Variants in FBXO7 observed in about 807,000 individuals in gnomAD.
FBXO7 encodes the protein F-box only protein 7.
Under a neutral mutation model 50.2 loss-of-function variants are expected in FBXO7, and 31 were observed. The ratio of observed to expected loss-of-function variants is 0.62; its 90% CI spans 0.46 to 0.83. The LOEUF is 0.83. Ranked by LOEUF, FBXO7 falls within the 40% of genes least tolerant of loss-of-function variation. The pLI is 0.00. For missense variants in FBXO7, 667 were observed against 646.6 expected, an observed-to-expected ratio of 1.03 and a Z score of -0.34; for synonymous variants, 256 against 253.1, an observed-to-expected ratio of 1.01 and a Z score of -0.11.
At chr22:32,479,392 TA>T (rs1601503964) in intron 2 of FBXO7, 117 bp downstream of exon 2, 3 of 936,246 alleles carry the variant, frequency 3.2e-6, no homozygotes, top group Non-Finnish European at 4.6e-6. Context: ...ATTTTATATA[TA>T]TTTTTTTCTT....
intron 2 of FBXO7, among the ~76,000 whole-genome samples, chr22:32,480,789 C>T (rs2057459841): frequency 1.3e-5 from 2 of 151,974 alleles, no homozygotes; most frequent in Non-Finnish European, 2.9e-5. Flanking sequence ...CCCACCTCAG[C>T]CTCCCGAGTA....
At chr22:32,491,398 G>T in intron 6 of FBXO7, 1 of 488,910 alleles carries the variant, frequency 2.0e-6, no homozygotes, top group Non-Finnish European at 3.6e-6. Context: ...TCTTTTCCAT[G>T]GACTATAATT....
Position 32,498,242 on chromosome 22 carries a change from C to A in FBXO7, c.1281C>A (p.Asn427Lys). Residue 427 changes from asparagine to lysine, a missense_variant, in exon 9 of 9, where the codon AAC becomes AAA. By Grantham distance (94) the Asn-to-Lys change is moderately conservative (BLOSUM62 0). Transcript: ENST00000266087. ...CTCACACCATTCCATTCTATCCCAA[C>A]CCCTTGCACCCTAGGCCATTTCCTA... The part of the protein sequence containing the change: ...SSTHTIPFYP[N>K]PLHPRPFPSS... 3 of 1,614,216 alleles carry A rather than the reference C, an allele frequency of 1.9e-6. No homozygotes were observed. Among genetic ancestry groups the A allele is most frequent in the Non-Finnish European group, 2.5e-6 (3 of 1,180,046 alleles).
At chr22:32,482,745 A>G (rs1172319242) in intron 2 of FBXO7, among the ~76,000 whole-genome samples, 1 of 152,256 alleles carries the variant, frequency 6.6e-6, no homozygotes, top group Non-Finnish European at 1.5e-5. Flanking sequence ...GTAAGGTATT[A>G]TCCTTCAGCA....
Position 32,498,310 on chromosome 22 carries a change from A to G in FBXO7, c.1349A>G (p.Gln450Arg), listed in dbSNP as rs1338337555. 4 of 1,614,142 alleles carry G rather than the reference A, an allele frequency of 2.5e-6. No homozygotes were observed. Among genetic ancestry groups the G allele is most frequent in the South Asian group, 1.1e-5 (1 of 91,082 alleles). ...GGAATTATCGGGGGTGAATATGACC[A>G]AAGACCAACACTTCCCTATGTTGGA... Reference protein sequence around the residue: ...PPGIIGGEYDQRPTLPYVGDP... With the variant: ...PPGIIGGEYDRRPTLPYVGDP... Residue 450 changes from glutamine (Q) to arginine (R), a missense_variant, in exon 9 of 9, where the codon CAA (glutamine) becomes CGA (arginine). Coordinates refer to ENST00000266087, the MANE Select transcript of FBXO7 (RefSeq NM_012179.4).
intron 6 of FBXO7, 36 bp from the exon 7 acceptor site, chr22:32,493,069 C>A: frequency 6.2e-7 from 1 of 1,602,182 alleles, no homozygotes; most frequent in Non-Finnish European, 8.6e-7. Flanking sequence ...GTTCTTTACT[C>A]AGTAATACCT....
rs1200066417 is a variant in FBXO7 at position 32,474,913 on chromosome 22, C to T, written c.-90C>T. The T allele has an allele frequency of 8.4e-6, 11 of 1,308,060 alleles. No individual in the cohort carries two copies. Among genetic ancestry groups the T allele is most frequent in the African/African-American group, 3.1e-5 (2 of 65,030 alleles). The allele number at this position is 1,308,060 out of a possible 1,614,324, so 81.0% of individuals were successfully genotyped here. A position where few individuals can be genotyped will look rare whatever the true frequency, so the allele number is the denominator to read the frequency against. ...GCTCCGGTAGTCGCCAGTCCGGGGTCGTCGCCGTTTGGGGCGGGAGCTGCT... is the reference window on the plus strand; with the variant it reads ...GCTCCGGTAGTCGCCAGTCCGGGGTTGTCGCCGTTTGGGGCGGGAGCTGCT... On this transcript the variant is annotated 5_prime_UTR_variant, in exon 1 of 9. Transcript: ENST00000266087.
At chr22:32,475,608 C>T (rs780439554) in intron 1 of FBXO7, 7 of 617,144 alleles carry the variant, frequency 1.1e-5, no homozygotes, top group African/African-American at 9.8e-5. Flanking sequence ...AAAATCTGCC[C>T]TCAATCCGAG....
chr22:32,496,472 ACT>A (rs968148777), intron 8 of FBXO7, among the ~76,000 whole-genome samples: 10 of 151,656 alleles, frequency 6.6e-5, no homozygotes, highest in African/African-American at 2.4e-4. Flanking sequence ...ACAGTGTGAG[ACT>A]CTGTCTCAAA....
chr22:32,487,594 T>A, intron 4 of FBXO7, 151 bp from the exon 5 acceptor site: 1 of 617,510 alleles, frequency 1.6e-6, no homozygotes, highest in East Asian at 2.9e-5. Flanking sequence ...TTGAACTTGC[T>A]ATCAGAGAAA....
intron 5 of FBXO7, chr22:32,489,127 T>G (rs1466108290): frequency 6.6e-6 from 1 of 152,184 alleles, no homozygotes; most frequent in Non-Finnish European, 1.5e-5. Context: ...ACATTTAATG[T>G]CAGACTAGGC....
chr22:32,476,891 T>TC (rs1230880272), intron 1 of FBXO7, among the ~76,000 whole-genome samples: 22 of 152,354 alleles, frequency 1.4e-4, no homozygotes, highest in Admixed American at 1.3e-3. Context: ...AAATAGCTTT[T>TC]CCCTTTTTCT....
At chr22:32,492,457 TTTTCC>T (rs2057543907) in intron 6 of FBXO7, 1 of 152,456 alleles carries the variant, frequency 6.6e-6, no homozygotes, top group Non-Finnish European at 1.5e-5. Flanking sequence ...GACATATTAT[TTTTCC>T]TTTCCTTTCT....
At chr22:32,475,154 C>T (rs1271338363) in intron 1 of FBXO7, 30 bp downstream of exon 1, 1 of 1,163,122 alleles carries the variant, frequency 8.6e-7, no homozygotes, top group Non-Finnish European at 1.2e-6. Context: ...GGGCGGCCCG[C>T]GGGGAGTGGG....
At chr22:32,487,976 G>A (rs534451977) in intron 5 of FBXO7, 148 bp downstream of exon 5, 1 of 631,148 alleles carries the variant, frequency 1.6e-6, no homozygotes, top group African/African-American at 1.9e-5. Context: ...AGAATGCAAA[G>A]GTTTAAAAAA....
rs374774633 is a variant in FBXO7, at chr22:32,495,537, A to G, written c.1182+7A>G. On this transcript the variant is annotated splice_region_variant and intron_variant, in intron 8 of 8. Transcript: ENST00000266087. ...AGACACAGATTGGAAAGAAGTAGGT[A>G]TTTTTAAATATTAAGACTAATGTCC... is the stretch of plus-strand genomic sequence containing the variant. The G allele has an allele frequency of 1.3e-5, 19 of 1,500,484 alleles. No individual in the cohort carries two copies. The highest frequency in any genetic ancestry group is 1.6e-5 in the Non-Finnish European group (17 of 1,085,014). The allele number at this position is 1,500,484 out of a possible 1,614,324, so 92.9% of individuals were successfully genotyped here. A position where few individuals can be genotyped will look rare whatever the true frequency, so the allele number is the denominator to read the frequency against.
chr22:32,479,130 C>G lies in FBXO7; in HGVS notation c.272C>G (p.Thr91Arg). ...DIPAPNIPSS[T>R]DSEHSSLQNN... ...CCAGCGCCTAATATACCTTCATCCACAGATTCAGAGCATTCTTCACTCCAG... is the reference window on the plus strand; with the variant it reads ...CCAGCGCCTAATATACCTTCATCCAGAGATTCAGAGCATTCTTCACTCCAG... Residue 91 changes from threonine (T) to arginine (R), a missense_variant, in exon 2 of 9, where the codon ACA becomes AGA. Thr to Arg is a moderately conservative substitution (Grantham distance 71). Coordinates refer to ENST00000266087, the MANE Select transcript of FBXO7 (RefSeq NM_012179.4). The G allele has an allele frequency of 2.5e-6, 4 of 1,614,192 alleles. No individual in the cohort carries two copies. In the Middle Eastern group the frequency reaches 4.9e-4, roughly 200 times the overall value.
chr22:32,479,297 A>G, intron 2 of FBXO7, 22 bp downstream of exon 2: 1 of 1,611,666 alleles, frequency 6.2e-7, no homozygotes, highest in Non-Finnish European at 8.5e-7. Flanking sequence ...ACACCAATAT[A>G]TCAAATAGAG....
intron 7 of FBXO7, 23 bp downstream of exon 7, chr22:32,493,304 CACAA>C (rs1400865951): frequency 1.2e-6 from 2 of 1,601,226 alleles, no homozygotes; most frequent in Non-Finnish European, 1.7e-6. Flanking sequence ...ATGACATATT[CACAA>C]GAAAGGGCTC....
Sources: allele counts gnomAD v4.1 joint callset (sites outside exome capture counted in the v4.1 genomes callset), GRCh38; gene constraint gnomAD v4.1.1; transcripts MANE v1.5; gene names NCBI Gene and HGNC (gene_info 2026-07-23, HGNC 2026-07-21).